Variants in NUP98 observed in about 807,000 individuals in gnomAD.
NUP98 encodes the protein nucleoporin 98 and 96 precursor.
In NUP98, 26 loss-of-function variants were observed where a neutral mutation model predicts 191.9. The observed-to-expected ratio is 0.14, with a 90% CI of 0.10 to 0.19. NUP98 has a LOEUF of 0.19. Among genes scored for constraint, NUP98 ranks in the 10% least tolerant of loss-of-function variants. The pLI, the probability that NUP98 is intolerant of heterozygous loss-of-function variation, is 1.00. For missense variants in NUP98, 1,941 were observed against 2,178.8 expected (o/e 0.89, Z 2.17); for synonymous variants, 808 against 778.4 (o/e 1.04, Z -0.63).
intron 22 of NUP98, among the ~76,000 whole-genome samples, chr11:3,704,951 G>T (rs896822411): frequency 6.6e-6 from 1 of 152,242 alleles, no homozygotes; most frequent in Non-Finnish European, 1.5e-5. Flanking sequence ...CAAGGCTGTA[G>T]TAAGTGCGAC....
At position 3,719,554 on chromosome 11, in the gene NUP98, T is replaced by C. The variant is rs898424272; in HGVS notation, c.2261-4A>G. The C allele has an allele frequency of 1.9e-6, 3 of 1,549,634 alleles. No homozygotes were observed. The highest frequency in any genetic ancestry group is 2.6e-6 in the Non-Finnish European group (3 of 1,152,816). On this transcript the variant is annotated splice_polypyrimidine_tract_variant and splice_region_variant and intron_variant, in intron 17 of 32. Transcript: ENST00000324932. Reference sequence around the variant, plus strand: ...TCAAAATAGATTGAACCATAACCTATAAATCAGAGCAAATAGTTAAAAATT... The same window carrying C: ...TCAAAATAGATTGAACCATAACCTACAAATCAGAGCAAATAGTTAAAAATT...
At chr11:3,705,438 C>T (rs1300043717) in intron 21 of NUP98, 82 bp from the exon 22 acceptor site, 20 of 1,362,476 alleles carry the variant, frequency 1.5e-5, no homozygotes, top group Non-Finnish European at 2.0e-5. Context: ...TTACAACAAC[C>T]AAAAATATTG....
At chr11:3,707,892 G>C (rs932976294) in intron 20 of NUP98, among the ~76,000 whole-genome samples, 2 of 152,108 alleles carry the variant, frequency 1.3e-5, no homozygotes, top group Non-Finnish European at 1.5e-5. Context: ...CCTGAGGTCA[G>C]GAGTTCGAGA....
At chr11:3,763,411 T>C (rs1266515363) in intron 8 of NUP98, among the ~76,000 whole-genome samples, 1 of 152,110 alleles carries the variant, frequency 6.6e-6, no homozygotes, top group African/African-American at 2.4e-5. Flanking sequence ...AGAAGCAAAA[T>C]AGTATGTCTA....
chr11:3,768,382 C>A (rs633271), intron 8 of NUP98, among the ~76,000 whole-genome samples, 199 bp downstream of exon 8: 41,247 of 149,512 alleles, frequency 0.28, 6,215 homozygotes, highest in African/African-American at 0.39. Context: ...GACTGGGCCA[C>A]TGCACTACAG....
In NUP98 at chr11:3,703,725, CCTACT is replaced by C. The variant is rs1276160989; in HGVS notation, c.3083-838_3083-834del. The stretch of plus-strand genomic sequence containing the variant: ...TAAAAGTAAGATCAAAACTCAAATT[CCTACT>C]CTACTCTAAACAATGCTACAGTCAA... On this transcript the variant is annotated intron_variant, in intron 22 of 32. Transcript: ENST00000324932. Among the ~76,000 whole-genome samples, 14 of 152,254 alleles carry C rather than the reference CCTACT, an allele frequency of 9.2e-5. No individual in the cohort carries two copies. In the East Asian group the frequency reaches 1.7e-3, roughly 19 times the overall value.
At chr11:3,721,406 T>C (rs908154683) in intron 16 of NUP98, among the ~76,000 whole-genome samples, 4 of 152,106 alleles carry the variant, frequency 2.6e-5, no homozygotes, top group Admixed American at 6.6e-5. Flanking sequence ...AAAAGAAAGA[T>C]GAAAAATCCA....
rs939900894 is a variant in NUP98, at chr11:3,768,760, A to G, written c.785-16T>C. ...CCAGTTGTACCTTTTAGGAAAAAGA[A>G]AAAAAAAAGAAAAAAGAAATAATAA... On this transcript the variant is annotated splice_polypyrimidine_tract_variant and intron_variant, in intron 7 of 32. Transcript: ENST00000324932. The G allele has an allele frequency of 1.1e-6, 1 of 886,750 alleles. No individual in the cohort carries two copies. Among genetic ancestry groups the G allele is most frequent in the Admixed American group, 4.3e-5 (1 of 23,008 alleles). The allele number at this position is 886,750 out of a possible 1,614,324, so 54.9% of individuals were successfully genotyped here. A position where few individuals can be genotyped will look rare whatever the true frequency, so the allele number is the denominator to read the frequency against.
At chr11:3,736,614 C>T (rs960608898) in intron 12 of NUP98, among the ~76,000 whole-genome samples, 3 of 152,106 alleles carry the variant, frequency 2.0e-5, no homozygotes, top group Non-Finnish European at 2.9e-5. Flanking sequence ...GGTGAAAGAG[C>T]GAGACTCTGC....
chr11:3,786,355 G>A (rs566587509), intron 1 of NUP98, among the ~76,000 whole-genome samples: 1 of 152,266 alleles, frequency 6.6e-6, no homozygotes, highest in South Asian at 2.1e-4. Context: ...CTCTTTTATG[G>A]AGTAAGGATA....
At chr11:3,762,835 T>C in intron 9 of NUP98, 67 bp downstream of exon 9, 1 of 1,563,398 alleles carries the variant, frequency 6.4e-7, no homozygotes. Context: ...AGTCAAATCC[T>C]TAGAAGAAAA....
intron 18 of NUP98, among the ~76,000 whole-genome samples, chr11:3,715,136 T>C (rs572528977): frequency 6.6e-6 from 1 of 152,292 alleles, no homozygotes; most frequent in South Asian, 2.1e-4. Context: ...TTCTCCACAT[T>C]GGCAGACACA....
intron 24 of NUP98, 86 bp from the exon 25 acceptor site, chr11:3,699,434 A>G (rs534391779): frequency 3.5e-6 from 5 of 1,426,492 alleles, no homozygotes; most frequent in Non-Finnish European, 4.9e-6. Flanking sequence ...TGATGTTAAA[A>G]ATACATAAAT....
chr11:3,793,972 A>AAATAAAT (rs2082443041), intron 1 of NUP98, among the ~76,000 whole-genome samples: 2 of 151,880 alleles, frequency 1.3e-5, no homozygotes, highest in African/African-American at 4.8e-5. Context: ...TCTGTCTCAA[A>AAATAAAT]AAATAAATAA....
intron 4 of NUP98, 112 bp downstream of exon 4, chr11:3,778,761 G>T: frequency 1.8e-6 from 2 of 1,099,828 alleles, no homozygotes; most frequent in Non-Finnish European, 2.6e-6. Context: ...CCTTGTTTTT[G>T]CCATTTAGTA....
intron 7 of NUP98, among the ~76,000 whole-genome samples, chr11:3,770,649 G>A (rs748524409): frequency 6.6e-6 from 1 of 152,158 alleles, no homozygotes; most frequent in Middle Eastern, 3.4e-3. Context: ...GGTGGCTGGG[G>A]AAAGTGTATA....
intron 30 of NUP98, among the ~76,000 whole-genome samples, chr11:3,681,413 C>G (rs1275257869): frequency 6.6e-6 from 1 of 152,124 alleles, no homozygotes; most frequent in Non-Finnish European, 1.5e-5. Context: ...TCAGAGGAAT[C>G]GCTATCTATA....
intron 4 of NUP98, among the ~76,000 whole-genome samples, chr11:3,777,636 A>G (rs1237238099): frequency 2.6e-5 from 4 of 151,468 alleles, no homozygotes; most frequent in African/African-American, 7.3e-5. Context: ...AAAAAAAAAA[A>G]AAAAAGAAGT....
At chr11:3,764,001 C>T (rs1241451638) in intron 8 of NUP98, among the ~76,000 whole-genome samples, 1 of 152,200 alleles carries the variant, frequency 6.6e-6, no homozygotes, top group Non-Finnish European at 1.5e-5. Flanking sequence ...TATTGAGACA[C>T]AATTCAAACA....
Sources: allele counts gnomAD v4.1 joint callset (sites outside exome capture counted in the v4.1 genomes callset), GRCh38; gene constraint gnomAD v4.1.1; transcripts MANE v1.5; gene names NCBI Gene and HGNC (gene_info 2026-07-23, HGNC 2026-07-21).